TRPM4: variants seen among roughly 807,000 people sequenced by gnomAD.
TRPM4 encodes calcium-activated non-selective cation channel 1.
In TRPM4, 124 loss-of-function variants were observed where a neutral mutation model predicts 135.6. The observed-to-expected ratio is 0.91, with a 90% CI of 0.79 to 1.06. TRPM4 has a LOEUF of 1.06. TRPM4 is among the 50% of genes least tolerant of loss of function. The pLI, the probability that TRPM4 is intolerant of heterozygous loss-of-function variation, is 0.00. For missense variants in TRPM4, 1,658 were observed against 1,671.4 expected, an observed-to-expected ratio of 0.99 and a Z score of 0.14; for synonymous variants, 745 against 705.6, an observed-to-expected ratio of 1.06 and a Z score of -0.88.
chr19:49,208,961 A>T (rs1258481204), intron 20 of TRPM4, among the ~76,000 whole-genome samples: 1 of 151,942 alleles, frequency 6.6e-6, no homozygotes, highest in Non-Finnish European at 1.5e-5. Flanking sequence ...TCCATCAAAA[A>T]AAAAAAAAAA....
chr19:49,206,720 T>C (rs1411715376), intron 20 of TRPM4, among the ~76,000 whole-genome samples: 1 of 152,200 alleles, frequency 6.6e-6, no homozygotes, highest in Non-Finnish European at 1.5e-5. Context: ...ATTACAGGTG[T>C]GAGCCACCGC....
At chr19:49,172,165 C>T (rs1008755971) in intron 9 of TRPM4, 57 bp downstream of exon 9, 30 of 1,346,636 alleles carry the variant, frequency 2.2e-5, no homozygotes, top group Middle Eastern at 1.9e-4. Flanking sequence ...AGACACCTTT[C>T]CTGGCCTGGG....
In TRPM4 at chr19:49,182,770, A is replaced by G. The variant is rs1312918724; in HGVS notation, c.1456A>G (p.Thr486Ala). The G allele has an allele frequency of 6.2e-7, 1 of 1,611,824 alleles. No homozygotes were observed. The change falls in exon 11 of 25, where the codon ACC becomes GCC. Residue 486 changes from threonine (T) to alanine (A), a missense_variant. Thr to Ala is a moderately conservative substitution (Grantham distance 58). Transcript: ENST00000252826. Reference protein sequence around the residue: ...LLDQASHSAGTKAPALKGGAA... With the variant: ...LLDQASHSAGAKAPALKGGAA... ...GGACCAGGCGTCCCACAGCGCAGGC[A>G]CCAAAGCCCCAGCCCTAAAAGGGGG...
intron 16 of TRPM4, among the ~76,000 whole-genome samples, chr19:49,195,597 C>T (rs1968600379): frequency 6.6e-6 from 1 of 151,934 alleles, no homozygotes; most frequent in South Asian, 2.1e-4. Flanking sequence ...CTCGAACTCC[C>T]GACCTCAGCT....
At chr19:49,186,237 C>T (rs980095230) in intron 12 of TRPM4, among the ~76,000 whole-genome samples, 1 of 152,150 alleles carries the variant, frequency 6.6e-6, no homozygotes, top group Admixed American at 6.6e-5. Flanking sequence ...GAGGCATGAG[C>T]GACGCCCACC....
intron 20 of TRPM4, among the ~76,000 whole-genome samples, chr19:49,203,305 A>G (rs760317431): frequency 1.6e-4 from 24 of 151,874 alleles, no homozygotes; most frequent in East Asian, 7.8e-4. Flanking sequence ...TCAGCCTCCC[A>G]AGTAGCTAGG....
In TRPM4 at chr19:49,162,924, G is replaced by A. The variant is rs562408210; in HGVS notation, c.93-3117G>A. 2.6e-5 allele frequency among the ~76,000 whole-genome samples: 4 copies of A among 152,076 alleles called. No individual in the cohort carries two copies. In the South Asian group the frequency reaches 8.3e-4, roughly 32 times the overall value. On this transcript the variant is annotated intron_variant, in intron 2 of 24. Transcript: ENST00000252826. Reference sequence around the variant, plus strand: ...CTACAGGCACCCGCCACCATGCCAAGCTGATTTTTGTATTTTTAGTAGAAA... The same window carrying A: ...CTACAGGCACCCGCCACCATGCCAAACTGATTTTTGTATTTTTAGTAGAAA...
At chr19:49,180,474 GTGTT>G (rs1331733599) in intron 9 of TRPM4, among the ~76,000 whole-genome samples, 1 of 134,374 alleles carries the variant, frequency 7.4e-6, no homozygotes, top group Non-Finnish European at 1.6e-5. Context: ...GTGTGTGTGT[GTGTT>G]GCACCCGGGC....
chr19:49,161,323 C>CTTTTTTT (rs67808134), intron 2 of TRPM4, among the ~76,000 whole-genome samples: 2 of 101,212 alleles, frequency 2.0e-5, no homozygotes, highest in Admixed American at 1.3e-4. Flanking sequence ...GTCTCTCTCT[C>CTTTTTTT]TTTTTTTTTT....
intron 20 of TRPM4, among the ~76,000 whole-genome samples, chr19:49,205,849 TC>T (rs1434235728): frequency 6.6e-6 from 1 of 151,946 alleles, no homozygotes; most frequent in Non-Finnish European, 1.5e-5. Context: ...CTTCAACATA[TC>T]TTTAGCGGGA....
intron 20 of TRPM4, among the ~76,000 whole-genome samples, chr19:49,208,338 A>G (rs1969226614): frequency 6.6e-6 from 1 of 151,856 alleles, no homozygotes; most frequent in Non-Finnish European, 1.5e-5. Flanking sequence ...CCCCGGGGAA[A>G]GGGAGACTCC....
Position 49,189,039 on chromosome 19 carries a change from A to G in TRPM4, c.1967A>G (p.Gln656Arg). 1 of 1,614,158 alleles carries G rather than the reference A, an allele frequency of 6.2e-7. No homozygotes were observed. Among genetic ancestry groups the G allele is most frequent in the Non-Finnish European group, 8.5e-7 (1 of 1,180,020 alleles). Residue 656 changes from glutamine to arginine, a missense_variant, in exon 14 of 25, where the codon CAG (glutamine) becomes CGG (arginine). By Grantham distance (43) the Gln-to-Arg change is conservative. Around this residue, in one of 3 missense-constraint regions of TRPM4, gnomAD observed 1,412 missense variants for 1,408.7 expected, o/e 1.00. Transcript: ENST00000252826. ...CPLWGDATCL[Q>R]LAMQADARAF... Reference sequence around the variant, plus strand: ...CTCTGGGGGGATGCCACTTGCCTCCAGCTGGCCATGCAAGCTGACGCCCGT... The same window carrying G: ...CTCTGGGGGGATGCCACTTGCCTCCGGCTGGCCATGCAAGCTGACGCCCGT...
chr19:49,171,435 G>A lies in TRPM4; in HGVS notation c.858+17G>A. 1.2e-6 allele frequency: 2 copies of A among 1,614,042 alleles called. No homozygotes were observed. The highest frequency in any genetic ancestry group is 1.7e-6 in the Non-Finnish European group (2 of 1,179,992). ...ATGTTGACGGTATAGGGGCCCGGAT[G>A]CCCGGATCTAAGGGGGAAGGAGGGT... On this transcript the variant is annotated intron_variant, in intron 7 of 24. Transcript: ENST00000252826. The surrounding 1 kb of genome is among the most constrained non-coding windows in gnomAD (Gnocchi z 4.7).
At chr19:49,179,967 A>C (rs1418190859) in intron 9 of TRPM4, among the ~76,000 whole-genome samples, 1 of 152,150 alleles carries the variant, frequency 6.6e-6, no homozygotes, top group East Asian at 1.9e-4. Flanking sequence ...ATAGATGAGG[A>C]AACTGAGGCT....
At chr19:49,188,804 G>A in intron 13 of TRPM4, 34 bp downstream of exon 13, 7 of 1,613,310 alleles carry the variant, frequency 4.3e-6, no homozygotes, top group Non-Finnish European at 5.9e-6. Flanking sequence ...AGCAGGGACG[G>A]GGGCTGCCGC....
rs551079950 is a variant in TRPM4, at chr19:49,190,202, C to G, written c.2020-6C>G. ...TTTGGATCCTAATCCTTCCCACCCC[C>G]CACAGTCTCTGCTGACACAGAAGTG... On this transcript the variant is annotated splice_region_variant and splice_polypyrimidine_tract_variant and intron_variant, in intron 14 of 24. Transcript: ENST00000252826. 5.6e-6 allele frequency: 9 copies of G among 1,613,258 alleles called. No homozygotes were observed. The highest frequency in any genetic ancestry group is 1.3e-5 in the African/African-American group (1 of 75,022).
chr19:49,164,978 G>A (rs1967118319), intron 2 of TRPM4, among the ~76,000 whole-genome samples: 1 of 151,862 alleles, frequency 6.6e-6, no homozygotes, highest in Non-Finnish European at 1.5e-5. Context: ...CCTGGGTTCA[G>A]GTGATCCTCT....
chr19:49,205,814 C>T (rs1013163106), intron 20 of TRPM4, among the ~76,000 whole-genome samples: 36 of 151,416 alleles, frequency 2.4e-4, no homozygotes, highest in Admixed American at 1.8e-3. Flanking sequence ...GGGATTACAG[C>T]CGTGAGCCAC....
chr19:49,188,826 G>A (rs1413862964), intron 13 of TRPM4, 56 bp downstream of exon 13: 1 of 1,612,934 alleles, frequency 6.2e-7, no homozygotes, highest in Middle Eastern at 1.7e-4. Context: ...AGAGGGGGAT[G>A]TGCAACTCCG....
Sources: allele counts gnomAD v4.1 joint callset (sites outside exome capture counted in the v4.1 genomes callset), GRCh38; gene constraint gnomAD v4.1.1; regional missense constraint gnomAD v4.1.1; non-coding constraint Gnocchi (gnomAD v3.1); transcripts MANE v1.5; gene names NCBI Gene and HGNC (gene_info 2026-07-23, HGNC 2026-07-21).